The following CLIC6 variants were observed in gnomAD, a reference collection of about 807,000 sequenced individuals.
CLIC6 encodes the protein chloride intracellular channel protein 6.
CLIC6 carries 39 observed loss-of-function variants against 49.2 expected under a neutral mutation model. The ratio of observed to expected loss-of-function variants is 0.79; its 90% CI spans 0.61 to 1.04. The LOEUF (loss-of-function observed/expected upper bound fraction) is 1.04. Ranked by LOEUF, CLIC6 falls within the 50% of genes least tolerant of loss-of-function variation. The probability of loss-of-function intolerance (pLI) is 0.00; values close to 1 mark genes in which losing one functional copy is unlikely to be tolerated. For missense variants in CLIC6, 988 were observed against 993.1 expected (o/e 0.99, Z 0.07); for synonymous variants, 446 against 433.4 (o/e 1.03, Z -0.36).
Position 34,708,786 on chromosome 21 carries a change from C to T in CLIC6, c.1697C>T (p.Thr566Met), listed in dbSNP as rs753768078. The change falls in exon 4 of 6, where the codon ACG (threonine) becomes ATG (methionine). Residue 566 changes from threonine to methionine, a missense_variant. Thr to Met is a moderately conservative substitution (Grantham distance 81). Around this residue, in one of 3 missense-constraint regions of CLIC6, gnomAD observed 647 missense variants for 596.9 expected, o/e 1.08. Coordinates refer to ENST00000349499, the MANE Select transcript of CLIC6 (RefSeq NM_053277.3). ...FAKFSAFIKN[T>M]KKDANEIHEK... The stretch of plus-strand genomic sequence containing the variant: ...AAATTCTCAGCGTTTATAAAAAACA[C>T]GAAGAAGGATGCAAATGAGAGTGAG... The T allele has an allele frequency of 4.3e-6, 7 of 1,613,256 alleles. No individual in the cohort carries two copies. Among genetic ancestry groups the T allele is most frequent in the South Asian group, 3.3e-5 (3 of 91,048 alleles).
At chr21:34,686,630 C>T (rs1008834189) in intron 1 of CLIC6, among the ~76,000 whole-genome samples, 1 of 152,198 alleles carries the variant, frequency 6.6e-6, no homozygotes, top group African/African-American at 2.4e-5. Flanking sequence ...TCCTGCAAGA[C>T]TGTGTGGCTT....
rs201599103 is a variant in CLIC6, at chr21:34,679,279, TC to T, written c.1374+8519del. ...AAAAGTGCCAAGTGAAAGGGGAAGC[TC>T]CTTATAAGCCATCAGATCTGGTGAG... On this transcript the variant is annotated intron_variant, in intron 1 of 5. Transcript: ENST00000349499. 7.9e-3 allele frequency among the ~76,000 whole-genome samples: 1,204 copies of T among 152,248 alleles called. 21 individuals carry two copies. The highest frequency in any genetic ancestry group is 0.027 in the African/African-American group (1,129 of 41,544).
At chr21:34,684,800 C>T (rs949732975) in intron 1 of CLIC6, among the ~76,000 whole-genome samples, 2 of 152,160 alleles carry the variant, frequency 1.3e-5, no homozygotes, top group African/African-American at 4.8e-5. Context: ...GCAAGGAGGA[C>T]CTGGAAATGT....
chr21:34,678,575 C>A (rs116642562), intron 1 of CLIC6, among the ~76,000 whole-genome samples: 1 of 152,116 alleles, frequency 6.6e-6, no homozygotes, highest in Non-Finnish European at 1.5e-5. Flanking sequence ...AAAGAACTGG[C>A]AGGTTCTTTC....
chr21:34,714,692 C>CAAAAAAAAAAAAAAAAAAA (rs77701951), intron 5 of CLIC6, among the ~76,000 whole-genome samples: 1 of 85,832 alleles, frequency 1.2e-5, no homozygotes, highest in Non-Finnish European at 2.5e-5. Flanking sequence ...CTCAAAAAAA[C>CAAAAAAAAAAAAAAAAAAA]AAAAAAAAAA....
Position 34,669,735 on chromosome 21 carries a change from G to C in CLIC6, c.347G>C (p.Gly116Ala). 7.2e-7 allele frequency: 1 copy of C among 1,386,650 alleles called. No individual in the cohort carries two copies. The allele number at this position is 1,386,650 out of a possible 1,614,324, so 85.9% of individuals were successfully genotyped here. A position where few individuals can be genotyped will look rare whatever the true frequency, so the allele number is the denominator to read the frequency against. ...GTGGAGGGGGCGAGCCCGGGACGCG[G>C]CGCGCAGGGCGAGCCCCGCGGGGAG... ...QQVEGASPGRGAQGEPRGEAQ... is the reference protein window; with the variant it reads ...QQVEGASPGRAAQGEPRGEAQ... Residue 116 changes from glycine to alanine, a missense_variant, in exon 1 of 6, where the codon GGC (glycine) becomes GCC (alanine). Gly to Ala is a moderately conservative substitution (Grantham distance 60). Coordinates refer to ENST00000349499, the MANE Select transcript of CLIC6 (RefSeq NM_053277.3).
intron 1 of CLIC6, among the ~76,000 whole-genome samples, chr21:34,699,615 T>G (rs1208994187): frequency 1.3e-5 from 2 of 152,068 alleles, no homozygotes; most frequent in Non-Finnish European, 2.9e-5. Context: ...TTGGAGGATA[T>G]TCTCCTTAAT....
At chr21:34,672,245 C>G (rs927082346) in intron 1 of CLIC6, among the ~76,000 whole-genome samples, 1 of 152,188 alleles carries the variant, frequency 6.6e-6, no homozygotes, top group Admixed American at 6.5e-5. Flanking sequence ...TGCAGAATTT[C>G]AGGTAAATCC....
chr21:34,693,136 G>A (rs1053125676), intron 1 of CLIC6, among the ~76,000 whole-genome samples: 9 of 152,238 alleles, frequency 5.9e-5, no homozygotes, highest in African/African-American at 1.9e-4. Flanking sequence ...AATTCTGTTT[G>A]AGGTGCCTAG....
intron 3 of CLIC6, 70 bp downstream of exon 3, chr21:34,708,139 T>C (rs2056029839): frequency 2.5e-6 from 4 of 1,574,258 alleles, no homozygotes; most frequent in Non-Finnish European, 3.5e-6. Flanking sequence ...GTTCTAAAGC[T>C]CTGGGCAGTG....
rs550160827 is a variant in CLIC6, at chr21:34,712,105, G to A, written c.1899+2567G>A. 2.6e-5 allele frequency among the ~76,000 whole-genome samples: 4 copies of A among 152,278 alleles called. No homozygotes were observed. The East Asian group carries it at 7.7e-4, about 29-fold the overall frequency. On this transcript the variant is annotated intron_variant, in intron 5 of 5. Transcript: ENST00000349499. ...TTCAGTAGAAAGGGTAAGCTTTAGA[G>A]TGAGATTGCAGTTCATGGCTCCACT...
At chr21:34,690,156 G>A (rs770630638) in intron 1 of CLIC6, among the ~76,000 whole-genome samples, 17 of 152,112 alleles carry the variant, frequency 1.1e-4, no homozygotes, top group Non-Finnish European at 1.9e-4. Flanking sequence ...AGGGTGGGGT[G>A]AGTGGGGATC....
rs1229771564 is a variant in CLIC6, at chr21:34,670,401, G to A, written c.1013G>A (p.Gly338Glu). ...WDAAEEAEVP[G>E]VKGSEEAAPG... ...GCAGCGGAGGAGGCGGAGGTCCCGG[G>A]GGTAAAGGGGTCCGAAGAAGCGGCC... Residue 338 changes from glycine to glutamate, a missense_variant, in exon 1 of 6, where the codon GGG (glycine) becomes GAG (glutamate). Gly to Glu is a moderately conservative substitution (Grantham distance 98). Around this residue, in one of 3 missense-constraint regions of CLIC6, gnomAD observed 647 missense variants for 596.9 expected, o/e 1.08. Transcript: ENST00000349499. The A allele has an allele frequency of 2.1e-6, 3 of 1,460,382 alleles. No homozygotes were observed. Among genetic ancestry groups the A allele is most frequent in the African/African-American group, 2.9e-5 (2 of 68,550 alleles). The allele number at this position is 1,460,382 out of a possible 1,614,324, so 90.5% of individuals were successfully genotyped here. A position where few individuals can be genotyped will look rare whatever the true frequency, so the allele number is the denominator to read the frequency against.
chr21:34,692,472 C>T (rs1160378606), intron 1 of CLIC6, among the ~76,000 whole-genome samples: 1 of 152,204 alleles, frequency 6.6e-6, no homozygotes, highest in Non-Finnish European at 1.5e-5. Context: ...CTGCTTTCTA[C>T]CTGACTGCAA....
At position 34,709,387 on chromosome 21, in the gene CLIC6, G is replaced by A. The variant is rs780800620; in HGVS notation, c.1748G>A (p.Arg583Lys). 3 of 1,614,096 alleles carry A rather than the reference G, an allele frequency of 1.9e-6. No individual in the cohort carries two copies. The highest frequency in any genetic ancestry group is 2.5e-6 in the Non-Finnish European group (3 of 1,179,982). ...GAAAAGAACCTGCTGAAGGCCCTGAGGAAGCTGGATAATTACTTAAATAGC... is the reference window on the plus strand; with the variant it reads ...GAAAAGAACCTGCTGAAGGCCCTGAAGAAGCTGGATAATTACTTAAATAGC... ...IHEKNLLKALRKLDNYLNSPL... is the reference protein window; with the variant it reads ...IHEKNLLKALKKLDNYLNSPL... The change falls in exon 5 of 6, where the codon AGG becomes AAG. Residue 583 changes from arginine (R) to lysine (K), a missense_variant. By Grantham distance (26) the Arg-to-Lys change is conservative (BLOSUM62 2). This residue lies in a region of CLIC6 where 647 missense variants were observed against 596.9 expected (regional missense o/e 1.08). Coordinates refer to ENST00000349499, the MANE Select transcript of CLIC6 (RefSeq NM_053277.3).
chr21:34,709,514 C>G lies in CLIC6; in HGVS notation c.1875C>G (p.Leu625=). Residue 625 remains leucine (L), a synonymous_variant, in exon 5 of 6, where the codon CTC becomes CTG. Coordinates refer to ENST00000349499, the MANE Select transcript of CLIC6 (RefSeq NM_053277.3). ...GDELTLADCN[L]LPKLHIIKIV... ...AGCTGACGCTGGCTGACTGCAACCT[C>G]TTACCCAAGCTCCATATTATTAAGG... 6.2e-7 allele frequency: 1 copy of G among 1,614,006 alleles called. No individual in the cohort carries two copies. The highest frequency in any genetic ancestry group is 8.5e-7 in the Non-Finnish European group (1 of 1,179,872).
Position 34,670,881 on chromosome 21 carries a change from G to A in CLIC6, c.1374+119G>A, listed in dbSNP as rs546536276. 10 of 1,143,176 alleles carry A rather than the reference G, an allele frequency of 8.7e-6. No individual in the cohort carries two copies. In the African/African-American group the frequency reaches 1.5e-4, roughly 17 times the overall value. The allele number at this position is 1,143,176 out of a possible 1,614,324, so 70.8% of individuals were successfully genotyped here. A position where few individuals can be genotyped will look rare whatever the true frequency, so the allele number is the denominator to read the frequency against. The stretch of plus-strand genomic sequence containing the variant: ...TTGGTGGTATCCTGATTGTCATCAG[G>A]CGCTTCCATGCGCGGGCGGTAGGCG... On this transcript the variant is annotated intron_variant, in intron 1 of 5. Transcript: ENST00000349499.
intron 1 of CLIC6, among the ~76,000 whole-genome samples, chr21:34,686,778 C>G (rs543892112): frequency 6.6e-6 from 1 of 151,986 alleles, no homozygotes; most frequent in East Asian, 1.9e-4. Flanking sequence ...GCTGTCTTGG[C>G]CCCCTCAGAC....
chr21:34,702,535 C>A (rs573816723), intron 1 of CLIC6, among the ~76,000 whole-genome samples: 1 of 152,322 alleles, frequency 6.6e-6, no homozygotes, highest in African/African-American at 2.4e-5. Context: ...GTACGTCAAC[C>A]CCCTAGCGTC....
Sources: allele counts gnomAD v4.1 joint callset (sites outside exome capture counted in the v4.1 genomes callset), GRCh38; gene constraint gnomAD v4.1.1; regional missense constraint gnomAD v4.1.1; transcripts MANE v1.5; gene names NCBI Gene and HGNC (gene_info 2026-07-23, HGNC 2026-07-21).